PPP1R12B: variants seen among roughly 807,000 people sequenced by gnomAD.
PPP1R12B encodes the protein myosin phosphatase target subunit 2.
PPP1R12B carries 76 observed loss-of-function variants against 126.1 expected under a neutral mutation model. The observed-to-expected ratio is 0.60, with a 90% CI of 0.50 to 0.73. The LOEUF (loss-of-function observed/expected upper bound fraction) is 0.73, where lower values mean the gene tolerates loss of function less well. Ranked by LOEUF, PPP1R12B falls within the 30% of genes least tolerant of loss-of-function variation. The pLI is 0.00. For synonymous variants in PPP1R12B, 356 were observed against 434.7 expected, an observed-to-expected ratio of 0.82 and a Z score of 2.25; for missense variants, 1,052 against 1,205.1, an observed-to-expected ratio of 0.87 and a Z score of 1.88.
chr1:202,487,243 T>G (rs1304311787), intron 13 of PPP1R12B, among the ~76,000 whole-genome samples: 1 of 152,204 alleles, frequency 6.6e-6, no homozygotes, highest in Non-Finnish European at 1.5e-5. Context: ...CATACACTAA[T>G]GATTAAAAAA....
chr1:202,368,789 A>G (rs1381030200), intron 1 of PPP1R12B, among the ~76,000 whole-genome samples: 2 of 152,116 alleles, frequency 1.3e-5, no homozygotes, highest in South Asian at 2.1e-4. Flanking sequence ...ATGGGTTGCA[A>G]TGGCAGGATC....
rs570270003 is a variant in PPP1R12B at position 202,362,661 on chromosome 1, T to G, written c.291+13519T>G. On this transcript the variant is annotated intron_variant, in intron 1 of 23. Coordinates refer to ENST00000608999, the MANE Select transcript of PPP1R12B (RefSeq NM_002481.4). ...AATCAGCAAGGCCCAGGGTTTTTGTTTTTTTTTTTTGTAATAAGGAAATAA... is the reference window on the plus strand; with the variant it reads ...AATCAGCAAGGCCCAGGGTTTTTGTGTTTTTTTTTTGTAATAAGGAAATAA... Among the ~76,000 whole-genome samples the G allele has an allele frequency of 1.6e-3, 247 of 150,304 alleles. 3 individuals carry two copies. Among genetic ancestry groups the G allele is most frequent in the Non-Finnish European group, 2.7e-3 (183 of 67,404 alleles).
At chr1:202,379,627 T>G (rs937608818) in intron 1 of PPP1R12B, among the ~76,000 whole-genome samples, 1 of 152,242 alleles carries the variant, frequency 6.6e-6, no homozygotes, top group Admixed American at 6.5e-5. Flanking sequence ...TCTTGTTGAA[T>G]AAATGAATGC....
At chr1:202,444,080 A>C (rs1671949085) in intron 12 of PPP1R12B, among the ~76,000 whole-genome samples, 2 of 152,216 alleles carry the variant, frequency 1.3e-5, no homozygotes, top group Admixed American at 1.3e-4. Context: ...TTTTAAAAGG[A>C]AAGAATCATA....
chr1:202,544,837 A>T (rs1483833741), intron 18 of PPP1R12B, among the ~76,000 whole-genome samples: 2 of 152,260 alleles, frequency 1.3e-5, no homozygotes, highest in Non-Finnish European at 1.5e-5. Flanking sequence ...CAAACTAATT[A>T]GGGTACATTT....
At chr1:202,439,495 A>C (rs1425163635) in intron 10 of PPP1R12B, 15 of 1,524,420 alleles carry the variant, frequency 9.8e-6, no homozygotes, top group Non-Finnish European at 1.3e-5. Context: ...AGCCCATGGA[A>C]GTGGCTGTTT....
At chr1:202,416,525 TAAAAAAAAA>T (rs35476608) in intron 1 of PPP1R12B, among the ~76,000 whole-genome samples, 2 of 111,662 alleles carry the variant, frequency 1.8e-5, no homozygotes, top group African/African-American at 3.5e-5. Context: ...AAACTCTGTC[TAAAAAAAAA>T]AAAAAAAAAA....
intron 14 of PPP1R12B, among the ~76,000 whole-genome samples, chr1:202,491,140 A>C (rs940312846): frequency 2.0e-5 from 3 of 151,948 alleles, no homozygotes; most frequent in Admixed American, 6.6e-5. Context: ...TGTTGTTTTT[A>C]TGAGATGGAG....
chr1:202,440,001 T>G (rs896346688), intron 10 of PPP1R12B: 1 of 154,862 alleles, frequency 6.5e-6, no homozygotes, highest in Non-Finnish European at 1.4e-5. Context: ...GAGTCCAAAT[T>G]AAGCTCAGGC....
At chr1:202,567,975 T>C in intron 22 of PPP1R12B, 144 bp downstream of exon 22, 1 of 1,032,452 alleles carries the variant, frequency 9.7e-7, no homozygotes, top group South Asian at 1.6e-5. Flanking sequence ...TGATGATAAA[T>C]TCTTTTTGTC....
intron 18 of PPP1R12B, chr1:202,502,187 G>A (rs3767411): frequency 0.47 from 466,522 of 983,262 alleles, 113,209 homozygotes; most frequent in East Asian, 0.7. Flanking sequence ...TGGATTACTA[G>A]TCATCCCTCA....
intron 1 of PPP1R12B, among the ~76,000 whole-genome samples, chr1:202,358,485 A>G (rs1048041645): frequency 3.9e-5 from 6 of 152,174 alleles, no homozygotes; most frequent in Non-Finnish European, 7.3e-5. Context: ...GATTGAGACC[A>G]TCCTGGCTAA....
rs369793804 is a variant in PPP1R12B at position 202,449,078 on chromosome 1, G to A, written c.1757G>A (p.Arg586His). The change falls in exon 13 of 24, where the codon CGC (arginine) becomes CAC (histidine). Residue 586 changes from arginine to histidine, a missense_variant. Coordinates refer to ENST00000608999, the MANE Select transcript of PPP1R12B (RefSeq NM_002481.4). ...ACCCCGCTCTGTGTGATCACCAATC[G>A]CCCTCTTCCTAGCACTGCCAATGGG... ...SSTPLCVITN[R>H]PLPSTANGVT... 9.9e-6 allele frequency: 16 copies of A among 1,613,700 alleles called. No homozygotes were observed. Among genetic ancestry groups the A allele is most frequent in the East Asian group, 2.2e-5 (1 of 44,864 alleles).
At chr1:202,355,769 G>A (rs1244226741) in intron 1 of PPP1R12B, among the ~76,000 whole-genome samples, 1 of 152,200 alleles carries the variant, frequency 6.6e-6, no homozygotes, top group Non-Finnish European at 1.5e-5. Flanking sequence ...TGAGAAAAAA[G>A]TGTAGTACAA....
intron 12 of PPP1R12B, chr1:202,445,257 C>G (rs1293910556): frequency 8.1e-7 from 1 of 1,235,996 alleles, no homozygotes; most frequent in Non-Finnish European, 1.0e-6. Context: ...ATTTGAGTTG[C>G]ATTCATCAAA....
chr1:202,439,508 G>A, intron 10 of PPP1R12B: 1 of 1,532,690 alleles, frequency 6.5e-7, no homozygotes, highest in African/African-American at 1.4e-5. Context: ...GGCTGTTTGG[G>A]GCGACTGCTG....
intron 10 of PPP1R12B, chr1:202,438,578 G>A (rs1572023323): frequency 2.2e-6 from 1 of 463,646 alleles, no homozygotes; most frequent in Non-Finnish European, 4.1e-6. Flanking sequence ...GAACAGCCTG[G>A]GACATTGGCC....
chr1:202,469,749 A>G (rs1675580300), intron 13 of PPP1R12B, among the ~76,000 whole-genome samples: 1 of 152,220 alleles, frequency 6.6e-6, no homozygotes, highest in Non-Finnish European at 1.5e-5. Flanking sequence ...AAAGTAGGGT[A>G]ATTGGAAATT....
rs995486039 is a variant in PPP1R12B at position 202,584,590 on chromosome 1, T to C, written c.*4030T>C. On this transcript the variant is annotated 3_prime_UTR_variant, in exon 24 of 24. Transcript: ENST00000608999. ...CTCTCCTAGCCACAGACAGACACTGTCTCCTCTCAGAGAAAGGCCAGTGTT... is the reference window on the plus strand; with the variant it reads ...CTCTCCTAGCCACAGACAGACACTGCCTCCTCTCAGAGAAAGGCCAGTGTT... 6.6e-6 allele frequency: 1 copy of C among 152,230 alleles called. No homozygotes were observed. The highest frequency in any genetic ancestry group is 1.5e-5 in the Non-Finnish European group (1 of 68,044). The allele number at this position is 152,230 out of a possible 1,614,324, so 9.4% of individuals were successfully genotyped here.
Sources: allele counts gnomAD v4.1 joint callset (sites outside exome capture counted in the v4.1 genomes callset), GRCh38; gene constraint gnomAD v4.1.1; transcripts MANE v1.5; gene names NCBI Gene and HGNC (gene_info 2026-07-23, HGNC 2026-07-21).